Variants in SYT1 observed in about 807,000 individuals in gnomAD.
SYT1 encodes synaptotagmin 1, also known as synaptotagmin-1.
In SYT1, 8 loss-of-function variants were observed where a neutral mutation model predicts 44.8. The observed-to-expected ratio is 0.18, with a 90% CI of 0.10 to 0.32. The LOEUF (loss-of-function observed/expected upper bound fraction) is 0.32, where lower values mean the gene tolerates loss of function less well. Among genes scored for constraint, SYT1 ranks in the 10% least tolerant of loss-of-function variants. The pLI is 1.00. For missense variants in SYT1, 286 were observed against 509.3 expected (o/e 0.56, Z 4.22); for synonymous variants, 154 against 188.8 (o/e 0.82, Z 1.51).
At chr12:78,914,530 G>C (rs1263355990) in intron 1 of SYT1, among the ~76,000 whole-genome samples, 1 of 151,676 alleles carries the variant, frequency 6.6e-6, no homozygotes. Flanking sequence ...ATAGATATGT[G>C]AGTATAGATA....
chr12:78,911,815 G>C (rs58712483), intron 1 of SYT1, among the ~76,000 whole-genome samples: 1,538 of 152,012 alleles, frequency 0.01, 23 homozygotes, highest in African/African-American at 0.035. Context: ...ATTTGCGATT[G>C]CCTCATTTCT....
At chr12:78,866,511 T>A (rs1873552165) in intron 1 of SYT1, among the ~76,000 whole-genome samples, 1 of 152,248 alleles carries the variant, frequency 6.6e-6, no homozygotes, top group African/African-American at 2.4e-5. Context: ...ATAGGTCAAG[T>A]AAATGGTACT....
In SYT1 at chr12:78,977,805, C is replaced by T. The variant is rs1387641847; in HGVS notation, c.-210C>T. On this transcript the variant is annotated 5_prime_UTR_variant, in exon 2 of 11. The change creates a new upstream start codon in the 5' untranslated region. Coordinates refer to ENST00000261205, the MANE Select transcript of SYT1 (RefSeq NM_005639.3). ...TTATTCTCTCTCTCTCAAGGGAAAA[C>T]GGGAAAACTAGCAAGAGCTAGCAAG... 6.6e-6 allele frequency: 1 copy of T among 152,166 alleles called. No homozygotes were observed. Among genetic ancestry groups the T allele is most frequent in the Non-Finnish European group, 1.5e-5 (1 of 68,070 alleles). 9.4% of individuals were successfully genotyped at this position (152,166 alleles called of 1,614,324 possible).
chr12:79,208,702 A>C (rs903023480), intron 3 of SYT1, among the ~76,000 whole-genome samples: 1 of 152,176 alleles, frequency 6.6e-6, no homozygotes, highest in South Asian at 2.1e-4. Context: ...TGAGCATGCA[A>C]TATTTCCTTC....
chr12:79,429,618 T>A (rs2136174599), intron 9 of SYT1, among the ~76,000 whole-genome samples: 1 of 151,898 alleles, frequency 6.6e-6, no homozygotes, highest in South Asian at 2.1e-4. Flanking sequence ...AAGCTCCGCC[T>A]CCCGGGTTCA....
At chr12:79,396,246 T>C (rs17005546) in intron 9 of SYT1, among the ~76,000 whole-genome samples, 21,716 of 152,114 alleles carry the variant, frequency 0.14, 1,965 homozygotes, top group Middle Eastern at 0.35. Context: ...GAAGGATTGG[T>C]TGATGTCATG....
At chr12:79,410,645 C>G (rs77629316) in intron 9 of SYT1, among the ~76,000 whole-genome samples, 2 of 151,886 alleles carry the variant, frequency 1.3e-5, no homozygotes, top group African/African-American at 2.4e-5. Flanking sequence ...TACTGAAGGC[C>G]TCTGTATTTT....
chr12:79,272,477 T>C (rs1565885076), intron 4 of SYT1, among the ~76,000 whole-genome samples: 1 of 151,808 alleles, frequency 6.6e-6, no homozygotes, highest in South Asian at 2.1e-4. Flanking sequence ...TACCAACCAG[T>C]TGGATTTGGG....
chr12:79,443,124 G>C (rs924408382), intron 9 of SYT1, among the ~76,000 whole-genome samples: 3 of 152,132 alleles, frequency 2.0e-5, no homozygotes, highest in African/African-American at 7.2e-5. Flanking sequence ...GCCTAATGGG[G>C]CTTTAGGGAA....
chr12:78,948,440 A>G (rs1262803647), intron 1 of SYT1, among the ~76,000 whole-genome samples: 9 of 152,022 alleles, frequency 5.9e-5, no homozygotes, highest in Non-Finnish European at 1.0e-4. Flanking sequence ...CCCATATTTT[A>G]ATGAAAATAT....
At chr12:79,101,159 G>A (rs750691724) in intron 3 of SYT1, among the ~76,000 whole-genome samples, 2 of 152,018 alleles carry the variant, frequency 1.3e-5, no homozygotes, top group Non-Finnish European at 1.5e-5. Context: ...GCACACTGGC[G>A]TTCATAGTAC....
intron 3 of SYT1, among the ~76,000 whole-genome samples, chr12:79,100,474 A>T (rs758956044): frequency 6.6e-6 from 1 of 152,268 alleles, no homozygotes; most frequent in South Asian, 2.1e-4. Flanking sequence ...AGAGGAGAGG[A>T]AGGAAAAGAA....
intron 3 of SYT1, among the ~76,000 whole-genome samples, chr12:79,152,379 T>C (rs1204758314): frequency 6.6e-6 from 1 of 152,110 alleles, no homozygotes; most frequent in Non-Finnish European, 1.5e-5. Context: ...ACCTCTTCTA[T>C]TGGCATGGAA....
chr12:79,052,249 T>C (rs1874558627), intron 3 of SYT1, among the ~76,000 whole-genome samples: 1 of 151,994 alleles, frequency 6.6e-6, no homozygotes, highest in African/African-American at 2.4e-5. Flanking sequence ...TTCACATCCC[T>C]TGTAAGTTGG....
At chr12:78,947,410 G>A (rs182844177) in intron 1 of SYT1, among the ~76,000 whole-genome samples, 173 of 152,006 alleles carry the variant, frequency 1.1e-3, no homozygotes, top group Middle Eastern at 3.4e-3. Context: ...CTGAACTGGG[G>A]GCTCCTCTAA....
chr12:79,285,344 C>T (rs1207556019), intron 4 of SYT1, among the ~76,000 whole-genome samples: 1 of 152,158 alleles, frequency 6.6e-6, no homozygotes, highest in African/African-American at 2.4e-5. Context: ...ATTTAATACT[C>T]AGAAAGATCT....
intron 3 of SYT1, among the ~76,000 whole-genome samples, chr12:79,190,987 C>T (rs1307002404): frequency 6.6e-6 from 1 of 151,820 alleles, no homozygotes; most frequent in Non-Finnish European, 1.5e-5. Flanking sequence ...CTCTCACTTA[C>T]CAATGAGATA....
Position 79,217,486 on chromosome 12 carries a change from C to T in SYT1, c.-17-17C>T. On this transcript the variant is annotated splice_polypyrimidine_tract_variant and intron_variant, in intron 3 of 10. Coordinates refer to ENST00000261205, the MANE Select transcript of SYT1 (RefSeq NM_005639.3). ...GCCATTTTGAATTGTTCTGTCTTTG[C>T]TTCCCTCCCCTCACAGCTTCACCTG... is the stretch of plus-strand genomic sequence containing the variant. 1.3e-6 allele frequency: 2 copies of T among 1,543,684 alleles called. No homozygotes were observed. The highest frequency in any genetic ancestry group is 1.7e-6 in the Non-Finnish European group (2 of 1,150,658).
At chr12:79,052,405 A>G (rs961359013) in intron 3 of SYT1, among the ~76,000 whole-genome samples, 1 of 152,216 alleles carries the variant, frequency 6.6e-6, no homozygotes, top group African/African-American at 2.4e-5. Context: ...TAAAAACCCT[A>G]GAAGAAAACC....
Sources: gnomAD v4.1 joint callset for allele counts (sites outside exome capture counted in the v4.1 genomes callset) on GRCh38, gnomAD v4.1.1 for gene constraint, MANE v1.5 for transcripts, NCBI Gene and HGNC (gene_info 2026-07-23, HGNC 2026-07-21) for gene names.